Variants in ANO10 observed in about 807,000 individuals in gnomAD.
The protein encoded by ANO10 is anoctamin-10.
A neutral mutation model predicts 74.7 loss-of-function variants in ANO10; 77 were observed. The ratio of observed to expected loss-of-function variants is 1.03; its 90% CI spans 0.86 to 1.25. The LOEUF (loss-of-function observed/expected upper bound fraction) is 1.25. Ranked by LOEUF, ANO10 falls within the 50% of genes most tolerant of loss-of-function variation. ANO10 has a pLI of 0.00. For synonymous variants in ANO10, 279 were observed against 284.9 expected, an observed-to-expected ratio of 0.98 and a Z score of 0.21; for missense variants, 721 against 778.1, an observed-to-expected ratio of 0.93 and a Z score of 0.87.
chr3:43,616,373 T>C (rs2083106943), intron 1 of ANO10, among the ~76,000 whole-genome samples: 1 of 152,208 alleles, frequency 6.6e-6, no homozygotes, highest in African/African-American at 2.4e-5. Flanking sequence ...TTTTTCTTTT[T>C]GTGAACTTAC....
intron 11 of ANO10, among the ~76,000 whole-genome samples, chr3:43,482,389 T>C (rs369354485): frequency 6.6e-6 from 1 of 152,106 alleles, no homozygotes; most frequent in Admixed American, 6.6e-5. Context: ...GTTTGACTCT[T>C]TTCATTGACA....
intron 11 of ANO10, among the ~76,000 whole-genome samples, chr3:43,471,326 T>C (rs919629067): frequency 9.2e-5 from 14 of 152,146 alleles, no homozygotes; most frequent in African/African-American, 3.4e-4. Flanking sequence ...ATAAAATATC[T>C]CTTATTTAGG....
chr3:43,518,556 T>C (rs1466247730), intron 11 of ANO10, among the ~76,000 whole-genome samples: 2 of 152,158 alleles, frequency 1.3e-5, no homozygotes, highest in Non-Finnish European at 2.9e-5. Context: ...GACAGAACAG[T>C]CATATTTCTC....
At chr3:43,428,035 G>C (rs1175753673) in intron 12 of ANO10, among the ~76,000 whole-genome samples, 1 of 151,736 alleles carries the variant, frequency 6.6e-6, no homozygotes, top group Admixed American at 6.6e-5. Flanking sequence ...CGATATCTTT[G>C]GTCCAACTTT....
intron 12 of ANO10, among the ~76,000 whole-genome samples, chr3:43,425,313 G>T (rs2092882642): frequency 1.3e-5 from 2 of 150,554 alleles, no homozygotes; most frequent in Non-Finnish European, 2.9e-5. Context: ...ACAGACATGA[G>T]CCACTGTGCC....
intron 1 of ANO10, among the ~76,000 whole-genome samples, chr3:43,667,134 AG>A (rs1486933321): frequency 2.5e-5 from 3 of 118,638 alleles, no homozygotes; most frequent in Admixed American, 1.2e-4. Flanking sequence ...TCTGTCACCC[AG>A]GCTGGAGTGC....
intron 12 of ANO10, among the ~76,000 whole-genome samples, chr3:43,368,686 CTTTT>C (rs780354509): frequency 7.1e-6 from 1 of 140,850 alleles, no homozygotes. Context: ...TTTAAAATGT[CTTTT>C]TTTTTTTTTT....
intron 5 of ANO10, 133 bp from the exon 6 acceptor site, chr3:43,577,394 T>A: frequency 1.1e-6 from 1 of 884,386 alleles, no homozygotes; most frequent in Non-Finnish European, 1.8e-6. Context: ...CGTGTGGTGG[T>A]AAATCTACCC....
chr3:43,586,657 T>G (rs892406980), intron 4 of ANO10, among the ~76,000 whole-genome samples: 2 of 150,306 alleles, frequency 1.3e-5, no homozygotes, highest in Non-Finnish European at 3.0e-5. Context: ...TAAACAAAAG[T>G]CAAAGAACAA....
intron 1 of ANO10, among the ~76,000 whole-genome samples, chr3:43,686,373 C>A (rs2084275541): frequency 6.6e-6 from 1 of 152,100 alleles, no homozygotes; most frequent in South Asian, 2.1e-4. Context: ...GCAGCCTTGC[C>A]CTCCCTGGGC....
At chr3:43,441,853 A>C (rs144753993) in intron 11 of ANO10, among the ~76,000 whole-genome samples, 44 of 152,344 alleles carry the variant, frequency 2.9e-4, no homozygotes, top group African/African-American at 9.1e-4. Context: ...GGAACAACAT[A>C]TGTAAACCAA....
intron 11 of ANO10, among the ~76,000 whole-genome samples, chr3:43,508,662 G>A (rs1342073262): frequency 6.6e-6 from 1 of 152,024 alleles, no homozygotes; most frequent in Non-Finnish European, 1.5e-5. Context: ...GATGAAGCTG[G>A]GAACCATCAT....
intron 11 of ANO10, among the ~76,000 whole-genome samples, chr3:43,544,796 T>TAAAAAAAA (rs556665373): frequency 3.6e-5 from 4 of 110,938 alleles, no homozygotes; most frequent in Non-Finnish European, 7.3e-5. Flanking sequence ...CTGTCTGAAA[T>TAAAAAAAA]AAAAAAAAAA....
chr3:43,449,363 A>G (rs2074742246), intron 11 of ANO10, among the ~76,000 whole-genome samples: 1 of 151,896 alleles, frequency 6.6e-6, no homozygotes, highest in Admixed American at 6.6e-5. Context: ...AAGCTTTTGG[A>G]ACTGAATTTA....
chr3:43,374,233 CCT>C (rs1250878405), intron 12 of ANO10, among the ~76,000 whole-genome samples: 1 of 152,186 alleles, frequency 6.6e-6, no homozygotes. Context: ...TACAGCAAAA[CCT>C]CTTTTTAACC....
intron 12 of ANO10, among the ~76,000 whole-genome samples, chr3:43,430,545 C>CT (rs1303259636): frequency 1.3e-5 from 2 of 152,024 alleles, no homozygotes; most frequent in Non-Finnish European, 2.9e-5. Context: ...AATAATCCTT[C>CT]TTTTTTCCAT....
At chr3:43,420,256 G>A (rs1404837182) in intron 12 of ANO10, among the ~76,000 whole-genome samples, 2 of 151,898 alleles carry the variant, frequency 1.3e-5, no homozygotes, top group Non-Finnish European at 2.9e-5. Flanking sequence ...GACCAGCCTG[G>A]GCAACATGAT....
intron 1 of ANO10, among the ~76,000 whole-genome samples, chr3:43,656,494 A>T (rs942688841): frequency 2.6e-5 from 4 of 151,834 alleles, no homozygotes; most frequent in African/African-American, 7.3e-5. Context: ...CTCGTCGGGG[A>T]GGCTCGGGCC....
chr3:43,411,927 C>T (rs2092671484), intron 12 of ANO10, among the ~76,000 whole-genome samples: 1 of 151,660 alleles, frequency 6.6e-6, no homozygotes, highest in Non-Finnish European at 1.5e-5. Context: ...TACAGTTAAG[C>T]TGTTTGATTT....
Sources: allele counts gnomAD v4.1 joint callset (sites outside exome capture counted in the v4.1 genomes callset), GRCh38; gene constraint gnomAD v4.1.1; transcripts MANE v1.5; gene names NCBI Gene and HGNC (gene_info 2026-07-23, HGNC 2026-07-21).